The following DOK6 variants were observed in gnomAD, a reference collection of about 807,000 sequenced individuals.
DOK6 encodes the protein downstream of tyrosine kinase 6.
DOK6 carries 22 observed loss-of-function variants against 44.0 expected under a neutral mutation model. The observed-to-expected ratio is 0.50, with a 90% CI of 0.36 to 0.71. DOK6 has a LOEUF of 0.71. Among genes scored for constraint, DOK6 ranks in the 30% least tolerant of loss-of-function variants. DOK6 has a pLI of 0.00. For missense variants in DOK6, 340 were observed against 416.4 expected (o/e 0.82, Z 1.60); for synonymous variants, 166 against 145.5 (o/e 1.14, Z -1.01).
At chr18:69,409,098 T>C (rs1978295459) in intron 1 of DOK6, among the ~76,000 whole-genome samples, 1 of 151,996 alleles carries the variant, frequency 6.6e-6, no homozygotes, top group Admixed American at 6.6e-5. Flanking sequence ...GTTCTCGAGA[T>C]AGTGAGTTCT....
chr18:69,608,494 T>A (rs1205162343), intron 3 of DOK6, among the ~76,000 whole-genome samples: 1 of 152,216 alleles, frequency 6.6e-6, no homozygotes, highest in Non-Finnish European at 1.5e-5. Context: ...CATAGTCTTT[T>A]GTGGCTCCAT....
At chr18:69,662,580 T>A (rs1193091195) in intron 3 of DOK6, 1 of 152,258 alleles carries the variant, frequency 6.6e-6, no homozygotes, top group African/African-American at 2.4e-5. Flanking sequence ...TAGATGAATA[T>A]TGCCTTTGAA....
At chr18:69,764,692 G>T (rs1490398739) in intron 7 of DOK6, among the ~76,000 whole-genome samples, 3 of 152,116 alleles carry the variant, frequency 2.0e-5, no homozygotes, top group African/African-American at 7.2e-5. Flanking sequence ...CATAATAGCA[G>T]CTTGAGAACA....
chr18:69,801,947 G>A (rs2145106811), intron 7 of DOK6, among the ~76,000 whole-genome samples: 1 of 152,182 alleles, frequency 6.6e-6, no homozygotes, highest in East Asian at 1.9e-4. Context: ...ATTGGCAAAG[G>A]AAGAAGGAAA....
chr18:69,737,589 T>C (rs951060525), intron 5 of DOK6, among the ~76,000 whole-genome samples: 1 of 152,226 alleles, frequency 6.6e-6, no homozygotes, highest in Non-Finnish European at 1.5e-5. Flanking sequence ...GACCTTCATC[T>C]AGGCTTAGGT....
intron 1 of DOK6, among the ~76,000 whole-genome samples, chr18:69,438,560 T>C (rs1979047999): frequency 6.6e-6 from 1 of 152,220 alleles, no homozygotes; most frequent in South Asian, 2.1e-4. Context: ...AATGTGGATA[T>C]TTTGACCTCC....
At chr18:69,487,387 T>C (rs1271098880) in intron 1 of DOK6, among the ~76,000 whole-genome samples, 1 of 151,894 alleles carries the variant, frequency 6.6e-6, no homozygotes, top group African/African-American at 2.4e-5. Context: ...TTTGAGGAGG[T>C]CACTAAGATC....
rs564780088 is a variant in DOK6 at position 69,684,671 on chromosome 18, C to A, written c.409+6818C>A. On this transcript the variant is annotated intron_variant, in intron 4 of 7. Coordinates refer to ENST00000382713, the MANE Select transcript of DOK6 (RefSeq NM_152721.6). ...ATGGGAGGTCAAGTGGGTAGTGACA[C>A]GTGCTTATATCATCCTGTATAAATT... 1.2e-4 allele frequency among the ~76,000 whole-genome samples: 19 copies of A among 152,206 alleles called. No individual in the cohort carries two copies. In the South Asian group the frequency reaches 3.9e-3, roughly 32 times the overall value.
At chr18:69,612,430 C>CATGTGTGCGAGGGCGT (rs1447911717) in intron 3 of DOK6, among the ~76,000 whole-genome samples, 1 of 147,274 alleles carries the variant, frequency 6.8e-6, no homozygotes, top group Non-Finnish European at 1.5e-5. Context: ...TGCGAGGGCG[C>CATGTGTGCGAGGGCGT]ATGTGTGCGA....
intron 7 of DOK6, among the ~76,000 whole-genome samples, chr18:69,794,741 G>C (rs538044471): frequency 6.6e-6 from 1 of 152,130 alleles, no homozygotes. Flanking sequence ...ATTTGCAGCC[G>C]CTCCCCATCA....
chr18:69,609,837 T>C (rs1984095463), intron 3 of DOK6, among the ~76,000 whole-genome samples: 1 of 152,212 alleles, frequency 6.6e-6, no homozygotes, highest in African/African-American at 2.4e-5. Flanking sequence ...AGAGTATTAT[T>C]CAATCTTTAA....
At position 69,444,138 on chromosome 18, in the gene DOK6, G is replaced by T. The variant is rs546062281; in HGVS notation, c.66+42828G>T. Among the ~76,000 whole-genome samples the T allele has an allele frequency of 7.0e-4, 106 of 152,188 alleles. 1 individual carries two copies. In the South Asian group the frequency reaches 0.02, roughly 29 times the overall value. Reference sequence around the variant, plus strand: ...ATTAAAATATGTAAGTTTTAAGATGGCTTTAAATGACTTCGAGGAAATGGC... The same window carrying T: ...ATTAAAATATGTAAGTTTTAAGATGTCTTTAAATGACTTCGAGGAAATGGC... On this transcript the variant is annotated intron_variant, in intron 1 of 7. Transcript: ENST00000382713.
chr18:69,674,282 C>T (rs192706169), intron 3 of DOK6, among the ~76,000 whole-genome samples: 2 of 152,322 alleles, frequency 1.3e-5, no homozygotes, highest in East Asian at 3.9e-4. Flanking sequence ...TGCAGCAAAA[C>T]TGTTAGCTCC....
intron 6 of DOK6, among the ~76,000 whole-genome samples, chr18:69,749,716 A>G (rs1979106660): frequency 2.0e-5 from 3 of 152,190 alleles, no homozygotes; most frequent in South Asian, 4.1e-4. Context: ...CGAGGCAGGT[A>G]GATCATGAGG....
intron 3 of DOK6, among the ~76,000 whole-genome samples, chr18:69,664,810 A>G (rs755626733): frequency 3.3e-5 from 5 of 152,202 alleles, no homozygotes; most frequent in Non-Finnish European, 7.3e-5. Context: ...GCAGCTCTAA[A>G]TCCAGCTGAA....
intron 4 of DOK6, among the ~76,000 whole-genome samples, chr18:69,694,318 C>T (rs1038485015): frequency 5.9e-5 from 9 of 151,814 alleles, no homozygotes; most frequent in Admixed American, 1.3e-4. Flanking sequence ...CTCAGGCCTT[C>T]CCTGGGCATG....
chr18:69,739,132 G>A (rs200281171), intron 6 of DOK6, 29 bp downstream of exon 6: 1 of 1,611,746 alleles, frequency 6.2e-7, no homozygotes, highest in East Asian at 2.2e-5. Context: ...TAACCTATCA[G>A]CTTGGAAATG....
intron 7 of DOK6, among the ~76,000 whole-genome samples, chr18:69,798,645 G>A (rs1334829950): frequency 1.3e-5 from 2 of 151,764 alleles, no homozygotes; most frequent in Non-Finnish European, 1.5e-5. Context: ...TACCAGATTT[G>A]GGGAGAAATA....
intron 3 of DOK6, among the ~76,000 whole-genome samples, chr18:69,675,316 A>G (rs1985895823): frequency 6.6e-6 from 1 of 152,206 alleles, no homozygotes; most frequent in Non-Finnish European, 1.5e-5. Flanking sequence ...ATGTCTGGGC[A>G]TGCACCGACT....
Sources: allele counts gnomAD v4.1 joint callset (sites outside exome capture counted in the v4.1 genomes callset), GRCh38; gene constraint gnomAD v4.1.1; transcripts MANE v1.5; gene names NCBI Gene and HGNC (gene_info 2026-07-23, HGNC 2026-07-21).